MIPEP: variants seen among roughly 807,000 people sequenced by gnomAD.
MIPEP encodes the protein mitochondrial intermediate peptidase.
MIPEP carries 79 observed loss-of-function variants against 90.3 expected under a neutral mutation model. The ratio of observed to expected loss-of-function variants is 0.87; its 90% CI spans 0.73 to 1.05. MIPEP has a LOEUF of 1.05. Among genes scored for constraint, MIPEP ranks in the 50% least tolerant of loss-of-function variants. The pLI is 0.00. For missense variants in MIPEP, 940 were observed against 905.6 expected, an observed-to-expected ratio of 1.04 and a Z score of -0.49; for synonymous variants, 334 against 315.8, an observed-to-expected ratio of 1.06 and a Z score of -0.61.
chr13:23,770,481 C>T (rs552640926), intron 16 of MIPEP, among the ~76,000 whole-genome samples: 23 of 152,282 alleles, frequency 1.5e-4, no homozygotes, highest in Admixed American at 2.6e-4. Context: ...TTGGAACAAC[C>T]GGTTTCACTG....
chr13:23,822,314 A>T (rs913154608), intron 14 of MIPEP, among the ~76,000 whole-genome samples: 6 of 152,218 alleles, frequency 3.9e-5, no homozygotes, highest in Admixed American at 1.3e-4. Flanking sequence ...TCAAGATTTG[A>T]CTATATGACT....
chr13:23,789,947 A>T (rs1593155685), intron 16 of MIPEP, among the ~76,000 whole-genome samples: 2 of 152,014 alleles, frequency 1.3e-5, no homozygotes, highest in Non-Finnish European at 2.9e-5. Flanking sequence ...TCTTCTGCTG[A>T]GCTTTCTAAA....
At chr13:23,867,560 G>C (rs1870598082) in intron 7 of MIPEP, among the ~76,000 whole-genome samples, 1 of 152,050 alleles carries the variant, frequency 6.6e-6, no homozygotes, top group Admixed American at 6.6e-5. Flanking sequence ...GTTCTTTACT[G>C]TTCTTCCCTT....
chr13:23,839,827 T>C lies in MIPEP; in HGVS notation c.1261-101A>G, dbSNP rs547581041. On this transcript the variant is annotated intron_variant, in intron 11 of 18. Coordinates refer to ENST00000382172, the MANE Select transcript of MIPEP (RefSeq NM_005932.4). ...TATTAAACATCCATAGCCACACATATAGACATTTTAATTACATTCTACACC... is the reference window on the plus strand; with the variant it reads ...TATTAAACATCCATAGCCACACATACAGACATTTTAATTACATTCTACACC... 2.6e-4 allele frequency: 186 copies of C among 717,344 alleles called. No individual in the cohort carries two copies. In the African/African-American group the frequency reaches 2.7e-3, roughly 11 times the overall value. 44.4% of individuals were successfully genotyped at this position (717,344 alleles called of 1,614,324 possible). A position where few individuals can be genotyped will look rare whatever the true frequency, so the allele number is the denominator to read the frequency against.
At chr13:23,833,141 AT>A (rs1868852847) in intron 14 of MIPEP, among the ~76,000 whole-genome samples, 1 of 152,176 alleles carries the variant, frequency 6.6e-6, no homozygotes, top group South Asian at 2.1e-4. Flanking sequence ...CAACCCTGTT[AT>A]TTTTTCCTTG....
intron 18 of MIPEP, among the ~76,000 whole-genome samples, chr13:23,736,392 G>A (rs544144074): frequency 1.3e-5 from 2 of 152,308 alleles, no homozygotes; most frequent in East Asian, 1.9e-4. Context: ...AGTAGTTAAA[G>A]AGTGAGAATT....
rs781683550 is a variant in MIPEP at position 23,870,173 on chromosome 13, T to C, written c.626A>G (p.Asn209Ser). ...ACTACTCAAATCCAAGATTTTAACA[T>C]TGAGGTCCACTGCTCTTTTACGCTG... The part of the protein sequence containing the change: ...KEKRKRAVDL[N>S]VKILDLSSTF... Residue 209 changes from asparagine (N) to serine (S), a missense_variant, in exon 6 of 19, where the codon AAT (asparagine) becomes AGT (serine). By Grantham distance (46) the Asn-to-Ser change is conservative. Coordinates refer to ENST00000382172, the MANE Select transcript of MIPEP (RefSeq NM_005932.4). The C allele has an allele frequency of 6.2e-7, 1 of 1,606,350 alleles. No individual in the cohort carries two copies. The highest frequency in any genetic ancestry group is 1.7e-5 in the Admixed American group (1 of 58,736).
At chr13:23,785,521 T>C (rs1292612944) in intron 16 of MIPEP, among the ~76,000 whole-genome samples, 1 of 150,780 alleles carries the variant, frequency 6.6e-6, no homozygotes, top group African/African-American at 2.4e-5. Context: ...ATATACCCAA[T>C]GTAAATGACG....
In MIPEP at chr13:23,845,145, T is replaced by TA. The variant is rs142432511; in HGVS notation, c.1107-3658dup. ...CACTATCTCGCAATTTTATTTAACATAAAAATATATCAATGATATGTATTT... is the reference window on the plus strand; with the variant it reads ...CACTATCTCGCAATTTTATTTAACATAAAAAATATATCAATGATATGTATTT... On this transcript the variant is annotated intron_variant, in intron 10 of 18. Transcript: ENST00000382172. Among the ~76,000 whole-genome samples, 651 of 152,318 alleles carry TA rather than the reference T, an allele frequency of 4.3e-3. 2 individuals are homozygous for TA. Among genetic ancestry groups the TA allele is most frequent in the African/African-American group, 0.015 (624 of 41,582 alleles).
chr13:23,785,914 G>A (rs1291788340), intron 16 of MIPEP, among the ~76,000 whole-genome samples: 2 of 152,024 alleles, frequency 1.3e-5, no homozygotes, highest in African/African-American at 4.8e-5. Context: ...GGGAAAAGAC[G>A]AATTATAACG....
At chr13:23,801,668 A>C (rs1256949746) in intron 16 of MIPEP, among the ~76,000 whole-genome samples, 3 of 151,992 alleles carry the variant, frequency 2.0e-5, no homozygotes, top group Non-Finnish European at 2.9e-5. Flanking sequence ...GTTTTGCATC[A>C]CTCTGAACTT....
Position 23,760,198 on chromosome 13 carries a change from C to T in MIPEP, c.1868G>A (p.Ser623Asn). The T allele has an allele frequency of 1.2e-6, 2 of 1,614,038 alleles. No homozygotes were observed. The highest frequency in any genetic ancestry group is 1.7e-6 in the Non-Finnish European group (2 of 1,179,998). ...VPNTAWQLRF[S>N]HLVGYGARYY... Reference sequence around the variant, plus strand: ...TCTAGCACCATACCCCACGAGGTGGCTGAATCGCAGCTGCCAGGCCTGCCA... The same window carrying T: ...TCTAGCACCATACCCCACGAGGTGGTTGAATCGCAGCTGCCAGGCCTGCCA... Residue 623 changes from serine (S) to asparagine (N), a missense_variant, in exon 17 of 19, where the codon AGC (serine) becomes AAC (asparagine). Physicochemically the swap from Ser to Asn is conservative, Grantham distance 46. Coordinates refer to ENST00000382172, the MANE Select transcript of MIPEP (RefSeq NM_005932.4).
intron 18 of MIPEP, among the ~76,000 whole-genome samples, chr13:23,750,708 A>T (rs754958060): frequency 4.6e-5 from 7 of 152,132 alleles, no homozygotes; most frequent in Non-Finnish European, 8.8e-5. Flanking sequence ...TAAGGTGGGG[A>T]GTATGTACAT....
chr13:23,889,316 A>T lies in MIPEP; in HGVS notation c.5T>A (p.Leu2Gln). The T allele has an allele frequency of 3.0e-6, 4 of 1,346,276 alleles. 1 individual carries two copies. In the South Asian group the frequency reaches 7.3e-5, roughly 25 times the overall value. 83.4% of individuals were successfully genotyped at this position (1,346,276 alleles called of 1,614,324 possible). ...CAAGCCGCCCAGCCTTCCGACGCACAGCATTCTAGCACCAGAGCAGTCCCT... is the reference window on the plus strand; with the variant it reads ...CAAGCCGCCCAGCCTTCCGACGCACTGCATTCTAGCACCAGAGCAGTCCCT... Reference protein sequence around the residue: MLCVGRLGGLGA... With the variant: MQCVGRLGGLGA... The change falls in exon 1 of 19, where the codon CTG (leucine) becomes CAG (glutamine). Residue 2 changes from leucine (L) to glutamine (Q), a missense_variant. Transcript: ENST00000382172.
rs547711967 is a variant in MIPEP, at chr13:23,839,740, T to A, written c.1261-14A>T. 3.5e-5 allele frequency: 55 copies of A among 1,590,474 alleles called. No homozygotes were observed. Among genetic ancestry groups the A allele is most frequent in the South Asian group, 9.1e-5 (8 of 88,232 alleles). On this transcript the variant is annotated splice_polypyrimidine_tract_variant and intron_variant, in intron 11 of 18. Coordinates refer to ENST00000382172, the MANE Select transcript of MIPEP (RefSeq NM_005932.4). Reference sequence around the variant, plus strand: ...ATGAACAACAGCCTAGAAAAAAAAATTTAAATTTGGTGGTAAATGAGGCCA... The same window carrying A: ...ATGAACAACAGCCTAGAAAAAAAAAATTAAATTTGGTGGTAAATGAGGCCA...
At chr13:23,848,465 G>A (rs1869643381) in intron 10 of MIPEP, among the ~76,000 whole-genome samples, 3 of 152,122 alleles carry the variant, frequency 2.0e-5, no homozygotes, top group African/African-American at 4.8e-5. Context: ...TCCTCAGTGT[G>A]GAAAGATGAA....
intron 16 of MIPEP, among the ~76,000 whole-genome samples, chr13:23,786,510 A>C (rs1423922066): frequency 6.6e-6 from 1 of 152,200 alleles, no homozygotes; most frequent in Non-Finnish European, 1.5e-5. Flanking sequence ...ACAAATAACA[A>C]AATAGGGGAA....
At chr13:23,757,249 A>T (rs529789542) in intron 17 of MIPEP, among the ~76,000 whole-genome samples, 16 of 151,874 alleles carry the variant, frequency 1.1e-4, no homozygotes, top group Middle Eastern at 3.4e-3. Context: ...TCACATGCGC[A>T]GTTCACAGTA....
At chr13:23,844,242 A>G (rs1174013406) in intron 10 of MIPEP, among the ~76,000 whole-genome samples, 1 of 152,186 alleles carries the variant, frequency 6.6e-6, no homozygotes, top group Non-Finnish European at 1.5e-5. Context: ...GACACAGAAC[A>G]GTTCAGAGGT....
Sources: gnomAD v4.1 joint callset for allele counts (sites outside exome capture counted in the v4.1 genomes callset) on GRCh38, gnomAD v4.1.1 for gene constraint, MANE v1.5 for transcripts, NCBI Gene and HGNC (gene_info 2026-07-23, HGNC 2026-07-21) for gene names.